Variants in ZBTB7C observed in about 807,000 individuals in gnomAD.
The protein encoded by ZBTB7C is zinc finger and BTB domain-containing protein 7C.
A neutral mutation model predicts 25.7 loss-of-function variants in ZBTB7C; 8 were observed. The observed-to-expected ratio is 0.31, with a 90% CI of 0.18 to 0.56. The LOEUF (loss-of-function observed/expected upper bound fraction) is 0.56. ZBTB7C is among the 20% of genes least tolerant of loss of function. The pLI is 0.91. For synonymous variants in ZBTB7C, 394 were observed against 369.0 expected (o/e 1.07, Z -0.78); for missense variants, 824 against 855.2 (o/e 0.96, Z 0.46).
intron 3 of ZBTB7C, among the ~76,000 whole-genome samples, chr18:48,084,176 G>A (rs1019592478): frequency 3.3e-5 from 5 of 152,282 alleles, no homozygotes; most frequent in Middle Eastern, 3.4e-3. Flanking sequence ...ACTAAGGAGA[G>A]AATGAAAGGT....
intron 1 of ZBTB7C, among the ~76,000 whole-genome samples, chr18:48,407,853 C>A (rs891655222): frequency 6.6e-6 from 1 of 152,094 alleles, no homozygotes; most frequent in Admixed American, 6.5e-5. Context: ...TTTCAACACC[C>A]GGGTATCTGG....
In ZBTB7C at chr18:48,029,309, C is replaced by T; in HGVS notation, c.1811G>A (p.Gly604Glu). The T allele has an allele frequency of 1.3e-6, 2 of 1,537,184 alleles. No individual in the cohort carries two copies. The highest frequency in any genetic ancestry group is 1.7e-6 in the Non-Finnish European group (2 of 1,147,694). The change falls in exon 5 of 5, where the codon GGG becomes GAG. Residue 604 changes from glycine (G) to glutamate (E), a missense_variant. Transcript: ENST00000590800. ...GGCCACGTGGTTGAGGCCGGCGAGCCCAGGGAGGCCGGCCAGGCCGGCGGC... is the reference window on the plus strand; with the variant it reads ...GGCCACGTGGTTGAGGCCGGCGAGCTCAGGGAGGCCGGCCAGGCCGGCGGC... ...PWAAGLAGLP[G>E]LAGLNHVASM... is the part of the protein sequence containing the mutation.
chr18:48,037,079 G>A (rs188131491), intron 4 of ZBTB7C, among the ~76,000 whole-genome samples: 74 of 152,330 alleles, frequency 4.9e-4, no homozygotes, highest in African/African-American at 1.7e-3. Context: ...AGGCAGGCTG[G>A]AGCCATCTCC....
intron 4 of ZBTB7C, among the ~76,000 whole-genome samples, chr18:48,037,988 C>T (rs551061263): frequency 3.9e-5 from 6 of 152,172 alleles, no homozygotes; most frequent in Admixed American, 6.5e-5. Context: ...TTATCTCCCT[C>T]GGTATTCCTG....
chr18:48,325,555 CCA>C (rs2046198585), intron 2 of ZBTB7C, among the ~76,000 whole-genome samples: 1 of 152,192 alleles, frequency 6.6e-6, no homozygotes, highest in South Asian at 2.1e-4. Context: ...CATTTTATTA[CCA>C]CATACAGGCC....
chr18:48,194,387 C>T (rs140266533), intron 2 of ZBTB7C, among the ~76,000 whole-genome samples: 4 of 152,078 alleles, frequency 2.6e-5, no homozygotes, highest in South Asian at 2.1e-4. Context: ...GGTGATATTG[C>T]GGGGGTTGTC....
chr18:48,090,346 A>G (rs2038365109), intron 3 of ZBTB7C, among the ~76,000 whole-genome samples: 1 of 152,218 alleles, frequency 6.6e-6, no homozygotes, highest in Non-Finnish European at 1.5e-5. Context: ...CTGGGGTTCC[A>G]ATCGCTATCA....
intron 1 of ZBTB7C, among the ~76,000 whole-genome samples, chr18:48,358,750 G>T (rs918045051): frequency 1.3e-5 from 2 of 152,164 alleles, no homozygotes; most frequent in African/African-American, 4.8e-5. Context: ...TTTCTGGAGT[G>T]ATGCAAATGT....
At chr18:48,163,943 C>G (rs565180137) in intron 3 of ZBTB7C, among the ~76,000 whole-genome samples, 1 of 152,196 alleles carries the variant, frequency 6.6e-6, no homozygotes, top group Non-Finnish European at 1.5e-5. Flanking sequence ...TTGGCGGAGG[C>G]TCCTGCCAGG....
At chr18:48,106,300 A>G (rs758125035) in intron 3 of ZBTB7C, among the ~76,000 whole-genome samples, 2 of 151,982 alleles carry the variant, frequency 1.3e-5, no homozygotes, top group Non-Finnish European at 2.9e-5. Context: ...TATAGACTTA[A>G]TGTTTGCCTC....
chr18:48,032,035 G>A (rs940642163), intron 4 of ZBTB7C, among the ~76,000 whole-genome samples: 20 of 152,198 alleles, frequency 1.3e-4, no homozygotes, highest in Non-Finnish European at 2.6e-4. Context: ...AGAGGGCTCA[G>A]CTCAGAATCA....
In ZBTB7C at chr18:48,133,108, G is replaced by T. The variant is rs151158679; in HGVS notation, c.-17+52826C>A. On this transcript the variant is annotated intron_variant, in intron 3 of 4. Transcript: ENST00000590800. Reference sequence around the variant, plus strand: ...CTGATGAATTACAGCTTGCTCCGGGGTTCCTGGCCTAGGAGGGGCAGCCTG... The same window carrying T: ...CTGATGAATTACAGCTTGCTCCGGGTTTCCTGGCCTAGGAGGGGCAGCCTG... Among the ~76,000 whole-genome samples, 1,037 of 152,350 alleles carry T rather than the reference G, an allele frequency of 6.8e-3. 8 individuals are homozygous for T. The highest frequency in any genetic ancestry group is 0.01 in the Non-Finnish European group (707 of 68,038).
At chr18:48,035,305 C>A (rs1047763208) in intron 4 of ZBTB7C, among the ~76,000 whole-genome samples, 39 of 152,226 alleles carry the variant, frequency 2.6e-4, no homozygotes, top group African/African-American at 8.7e-4. Context: ...CTCTATGGGA[C>A]CTCTGCTGTC....
At chr18:48,188,809 C>T (rs1045261880) in intron 2 of ZBTB7C, among the ~76,000 whole-genome samples, 36 of 152,150 alleles carry the variant, frequency 2.4e-4, no homozygotes, top group Non-Finnish European at 5.0e-4. Flanking sequence ...TCACCTCATA[C>T]CCCTGCCTAG....
At chr18:48,285,586 A>C (rs1219868714) in intron 2 of ZBTB7C, among the ~76,000 whole-genome samples, 1 of 152,204 alleles carries the variant, frequency 6.6e-6, no homozygotes, top group Non-Finnish European at 1.5e-5. Flanking sequence ...TCTTGGGCTC[A>C]AGCAATCCTC....
chr18:48,071,779 T>G (rs1052828463), intron 3 of ZBTB7C, among the ~76,000 whole-genome samples: 1 of 152,206 alleles, frequency 6.6e-6, no homozygotes, highest in Non-Finnish European at 1.5e-5. Context: ...AAATGTGATA[T>G]ATACACAAAA....
intron 3 of ZBTB7C, among the ~76,000 whole-genome samples, chr18:48,161,700 GGCCCGGCCCGGGCGCCCCGCCCCA>G (rs943565551): frequency 1.4e-5 from 2 of 146,488 alleles, no homozygotes; most frequent in African/African-American, 2.6e-5. Context: ...TGCCCGGCCC[GGCCCGGCCCGGGCGCCCCGCCCCA>G]GCCCCGCCCC....
At chr18:48,357,120 A>G (rs898926700) in intron 1 of ZBTB7C, among the ~76,000 whole-genome samples, 8 of 152,216 alleles carry the variant, frequency 5.3e-5, no homozygotes, top group Non-Finnish European at 1.2e-4. Flanking sequence ...AGATTAATCT[A>G]TGAGATCACC....
chr18:48,119,230 C>T (rs183085786), intron 3 of ZBTB7C, among the ~76,000 whole-genome samples: 56 of 152,312 alleles, frequency 3.7e-4, no homozygotes, highest in African/African-American at 1.1e-3. Flanking sequence ...TATTATTTCT[C>T]CCATTACTTT....
Sources: gnomAD v4.1 joint callset for allele counts (sites outside exome capture counted in the v4.1 genomes callset) on GRCh38, gnomAD v4.1.1 for gene constraint, MANE v1.5 for transcripts, NCBI Gene and HGNC (gene_info 2026-07-23, HGNC 2026-07-21) for gene names.